Variants in ARFGAP3 observed in about 807,000 individuals in gnomAD.
The protein encoded by ARFGAP3 is ADP-ribosylation factor GTPase-activating protein 3.
Under a neutral mutation model 75.0 loss-of-function variants are expected in ARFGAP3, and 72 were observed. The observed-to-expected ratio is 0.96, with a 90% CI of 0.79 to 1.17. The LOEUF (loss-of-function observed/expected upper bound fraction) is 1.17, where lower values mean the gene tolerates loss of function less well. ARFGAP3 is among the 50% of genes most tolerant of loss of function. The pLI, the probability that ARFGAP3 is intolerant of heterozygous loss-of-function variation, is 0.00. For synonymous variants in ARFGAP3, 221 were observed against 217.9 expected (o/e 1.01, Z -0.13); for missense variants, 620 against 626.6 (o/e 0.99, Z 0.11).
chr22:42,825,927 A>G (rs1272805432), intron 7 of ARFGAP3, among the ~76,000 whole-genome samples: 1 of 152,204 alleles, frequency 6.6e-6, no homozygotes, highest in Non-Finnish European at 1.5e-5. Context: ...AGCCAGAAAC[A>G]GCAAAAGATA....
intron 14 of ARFGAP3, among the ~76,000 whole-genome samples, chr22:42,806,432 C>A (rs1925126650): frequency 6.6e-6 from 1 of 152,234 alleles, no homozygotes; most frequent in African/African-American, 2.4e-5. Flanking sequence ...CCAGACACCT[C>A]CTCGCTGGGG....
At chr22:42,804,505 C>T (rs144289005) in intron 14 of ARFGAP3, among the ~76,000 whole-genome samples, 1,603 of 151,910 alleles carry the variant, frequency 0.011, 30 homozygotes, top group African/African-American at 0.036. Flanking sequence ...CCTCAGCCTC[C>T]GGAGTAGCTG....
At chr22:42,827,943 C>T (rs542335647) in intron 6 of ARFGAP3, among the ~76,000 whole-genome samples, 1 of 152,258 alleles carries the variant, frequency 6.6e-6, no homozygotes, top group East Asian at 1.9e-4. Flanking sequence ...CCGCGCCCAA[C>T]CATACTTTGT....
intron 4 of ARFGAP3, 117 bp from the exon 5 acceptor site, chr22:42,834,442 T>C: frequency 6.7e-7 from 1 of 1,493,834 alleles, no homozygotes; most frequent in Non-Finnish European, 8.9e-7. Context: ...TTTCCATTCT[T>C]ATAAAATCAG....
intron 7 of ARFGAP3, 24 bp downstream of exon 7, chr22:42,826,916 A>C: frequency 6.2e-7 from 1 of 1,606,176 alleles, no homozygotes; most frequent in Non-Finnish European, 8.5e-7. Context: ...TTTAAATCAG[A>C]ATGTAGGATT....
chr22:42,809,799 C>T (rs1282257593), intron 12 of ARFGAP3, among the ~76,000 whole-genome samples: 9 of 151,292 alleles, frequency 5.9e-5, no homozygotes, highest in Non-Finnish European at 1.0e-4. Context: ...GTCAGGAGAT[C>T]GAGACCATCC....
intron 1 of ARFGAP3, among the ~76,000 whole-genome samples, chr22:42,854,707 C>T (rs533793716): frequency 1.3e-5 from 2 of 152,040 alleles, no homozygotes; most frequent in South Asian, 4.2e-4. Context: ...ATACATGAGA[C>T]GAAGAAATTG....
chr22:42,817,089 A>G, intron 11 of ARFGAP3, 53 bp downstream of exon 11: 1 of 1,228,184 alleles, frequency 8.1e-7, no homozygotes, highest in South Asian at 1.2e-5. Context: ...ATAAATCCAT[A>G]CTAGTCACTG....
chr22:42,826,433 G>A (rs9611921), intron 7 of ARFGAP3, among the ~76,000 whole-genome samples: 5,819 of 151,576 alleles, frequency 0.038, 157 homozygotes, highest in African/African-American at 0.074. Flanking sequence ...AGGGCAGAGT[G>A]CAGTGGTGTG....
chr22:42,849,859 G>A (rs1927197001), intron 1 of ARFGAP3, among the ~76,000 whole-genome samples: 1 of 152,092 alleles, frequency 6.6e-6, no homozygotes, highest in Admixed American at 6.6e-5. Flanking sequence ...ACCACGTCCG[G>A]CTCCTGTCAC....
At chr22:42,845,528 A>G (rs1926976225) in intron 2 of ARFGAP3, among the ~76,000 whole-genome samples, 1 of 151,192 alleles carries the variant, frequency 6.6e-6, no homozygotes, top group Admixed American at 6.6e-5. Flanking sequence ...TCCATCTCAA[A>G]AAAAAAAAAA....
intron 3 of ARFGAP3, 55 bp downstream of exon 3, chr22:42,840,889 T>C: frequency 3.2e-6 from 5 of 1,571,252 alleles, no homozygotes; most frequent in East Asian, 2.3e-5. Flanking sequence ...TTTACTATTA[T>C]AGCATAACAA....
chr22:42,828,160 C>T (rs747400297), intron 6 of ARFGAP3, among the ~76,000 whole-genome samples: 3 of 151,426 alleles, frequency 2.0e-5, no homozygotes, highest in Admixed American at 1.3e-4. Context: ...TGGTGGCTCA[C>T]GCCTGTAATC....
intron 6 of ARFGAP3, among the ~76,000 whole-genome samples, chr22:42,830,506 G>A (rs1271952932): frequency 6.6e-6 from 1 of 152,072 alleles, no homozygotes; most frequent in African/African-American, 2.4e-5. Context: ...GTTTATATAA[G>A]CCAGCACTTC....
intron 9 of ARFGAP3, among the ~76,000 whole-genome samples, chr22:42,820,358 A>G (rs1053366906): frequency 7.6e-6 from 1 of 131,470 alleles, no homozygotes; most frequent in Admixed American, 7.8e-5. Context: ...AATACAGTTC[A>G]GTGCTGCCCC....
At chr22:42,851,459 G>C (rs544588612) in intron 1 of ARFGAP3, among the ~76,000 whole-genome samples, 1 of 152,250 alleles carries the variant, frequency 6.6e-6, no homozygotes, top group Non-Finnish European at 1.5e-5. Flanking sequence ...CCCCATGAGG[G>C]GGGGGCCATG....
Position 42,857,153 on chromosome 22 carries a change from C to T in ARFGAP3, c.30G>A (p.Leu10=). The T allele has an allele frequency of 6.6e-7, 1 of 1,514,872 alleles. No individual in the cohort carries two copies. Among genetic ancestry groups the T allele is most frequent in the Non-Finnish European group, 8.9e-7 (1 of 1,129,432 alleles). 93.8% of individuals were successfully genotyped at this position (1,514,872 alleles called of 1,614,324 possible). MGDPSKQDI[L]TIFKRLRSVP... Reference sequence around the variant, plus strand: ...CCGAGCGGAGGCGCTTGAAGATGGTCAAGATGTCCTGCTTGCTGGGGTCCC... The same window carrying T: ...CCGAGCGGAGGCGCTTGAAGATGGTTAAGATGTCCTGCTTGCTGGGGTCCC... The change falls in exon 1 of 16, where the codon TTG becomes TTA. Residue 10 remains leucine, a synonymous_variant. Coordinates refer to ENST00000263245, the MANE Select transcript of ARFGAP3 (RefSeq NM_014570.5).
At chr22:42,807,047 A>AC (rs1925154840) in intron 14 of ARFGAP3, 26 bp downstream of exon 14, 2 of 1,586,898 alleles carry the variant, frequency 1.3e-6, no homozygotes, top group South Asian at 2.3e-5. Context: ...CATGACAGAG[A>AC]CCAGCTCTTG....
Position 42,836,308 on chromosome 22 carries a change from G to T in ARFGAP3, c.262-815C>A, listed in dbSNP as rs531418930. ...TTGTTTTTTGAGATGGTCTGACTCTGTCACCTAGGCTGGAGGGTAGTGTGG... is the reference window on the plus strand; with the variant it reads ...TTGTTTTTTGAGATGGTCTGACTCTTTCACCTAGGCTGGAGGGTAGTGTGG... On this transcript the variant is annotated intron_variant, in intron 3 of 15. Transcript: ENST00000263245. Among the ~76,000 whole-genome samples, 10 of 152,130 alleles carry T rather than the reference G, an allele frequency of 6.6e-5. No homozygotes were observed. The East Asian group carries it at 1.7e-3, about 27-fold the overall frequency.
Sources: gnomAD v4.1 joint callset for allele counts (sites outside exome capture counted in the v4.1 genomes callset) on GRCh38, gnomAD v4.1.1 for gene constraint, MANE v1.5 for transcripts, NCBI Gene and HGNC (gene_info 2026-07-23, HGNC 2026-07-21) for gene names.